Variants in TMEM68 observed in about 807,000 individuals in gnomAD.
TMEM68 encodes the protein transmembrane protein 68.
In TMEM68, 25 loss-of-function variants were observed where a neutral mutation model predicts 36.9. The ratio of observed to expected loss-of-function variants is 0.68; its 90% confidence interval spans 0.49 to 0.95. The LOEUF (loss-of-function observed/expected upper bound fraction) is 0.95. Ranked by LOEUF, TMEM68 falls within the 40% of genes least tolerant of loss-of-function variation. TMEM68 has a pLI of 0.00. For synonymous variants in TMEM68, 131 were observed against 124.4 expected (o/e 1.05, Z -0.35); for missense variants, 333 against 392.0 (o/e 0.85, Z 1.27).
At chr8:55,758,194 G>T (rs1810665371) in intron 3 of TMEM68, among the ~76,000 whole-genome samples, 1 of 152,180 alleles carries the variant, frequency 6.6e-6, no homozygotes, top group Admixed American at 6.5e-5. Context: ...CAAGATAACA[G>T]TAGGAGTCTG....
chr8:55,741,608 G>A (rs1810104850), intron 7 of TMEM68, among the ~76,000 whole-genome samples: 1 of 152,168 alleles, frequency 6.6e-6, no homozygotes, highest in African/African-American at 2.4e-5. Context: ...AGCCCACTGG[G>A]TAGGCAGTGA....
chr8:55,754,907 TATA>T (rs1563432545), intron 4 of TMEM68, among the ~76,000 whole-genome samples: 3 of 112,900 alleles, frequency 2.7e-5, no homozygotes, highest in South Asian at 2.3e-4. Flanking sequence ...ATACATATAT[TATA>T]TATTATATAT....
intron 6 of TMEM68, among the ~76,000 whole-genome samples, chr8:55,744,606 C>T (rs1430069196): frequency 6.6e-6 from 1 of 151,926 alleles, no homozygotes; most frequent in African/African-American, 2.4e-5. Context: ...CGCTCCCGGC[C>T]GCTACAAAAT....
Position 55,773,373 on chromosome 8 carries a change from G to A in TMEM68, c.-219C>T, listed in dbSNP as rs1338193979. On this transcript the variant is annotated 5_prime_UTR_variant, in exon 1 of 8. Transcript: ENST00000434581. The stretch of plus-strand genomic sequence containing the variant: ...CAACCCGTGTGAAAGAAGCCAAGCG[G>A]CGGCTGCAGCCCGGGCCGCGATGGG... 1 of 415,844 alleles carries A rather than the reference G, an allele frequency of 2.4e-6. No individual in the cohort carries two copies. The highest frequency in any genetic ancestry group is 4.3e-6 in the Non-Finnish European group (1 of 232,918). The allele number at this position is 415,844 out of a possible 1,614,324, so 25.8% of individuals were successfully genotyped here. A position where few individuals can be genotyped will look rare whatever the true frequency, so the allele number is the denominator to read the frequency against.
chr8:55,741,805 A>G (rs1810110394), intron 7 of TMEM68, among the ~76,000 whole-genome samples: 1 of 152,258 alleles, frequency 6.6e-6, no homozygotes, highest in Admixed American at 6.5e-5. Context: ...GTAAGGCTTT[A>G]AAATTAATTT....
chr8:55,768,473 G>C lies in TMEM68; in HGVS notation c.-114-4493C>G, dbSNP rs1289080226. Among the ~76,000 whole-genome samples, 6 of 152,216 alleles carry C rather than the reference G, an allele frequency of 3.9e-5. No individual in the cohort carries two copies. The East Asian group carries it at 9.7e-4, about 24-fold the overall frequency. On this transcript the variant is annotated intron_variant, in intron 1 of 7. Transcript: ENST00000434581. ...CTCACACCTGTAATCTCAGCACTTT[G>C]GGAGACTGAGGCAAGAGGATCGCTT...
rs2129978616 is a variant in TMEM68, at chr8:55,756,372, C to T, written c.365G>A (p.Gly122Glu). The change falls in exon 4 of 8, where the codon GGA becomes GAA. Residue 122 changes from glycine to glutamate, a missense_variant. Physicochemically the swap from Gly to Glu is moderately conservative, Grantham distance 98. Coordinates refer to ENST00000434581, the MANE Select transcript of TMEM68 (RefSeq NM_001286657.2). ...VHGMEKIPED[G>E]PALIIFYHGA... ...ATGATAAAAAATTATAAGTGCTGGT[C>T]CATCTTCTGGTATTTTTTCCATTCC... 6.3e-7 allele frequency: 1 copy of T among 1,590,450 alleles called. No individual in the cohort carries two copies. The highest frequency in any genetic ancestry group is 8.5e-7 in the Non-Finnish European group (1 of 1,172,730).
chr8:55,744,524 G>C (rs955562325), intron 6 of TMEM68, among the ~76,000 whole-genome samples: 2 of 151,526 alleles, frequency 1.3e-5, no homozygotes, highest in Non-Finnish European at 2.9e-5. Flanking sequence ...AGCCAGGATG[G>C]TCTCAATCTC....
intron 7 of TMEM68, among the ~76,000 whole-genome samples, chr8:55,742,600 C>T (rs1810136826): frequency 6.6e-6 from 1 of 151,942 alleles, no homozygotes; most frequent in African/African-American, 2.4e-5. Context: ...AGTGCAGTGG[C>T]ACAATCATAG....
chr8:55,763,010 C>T lies in TMEM68; in HGVS notation c.-51G>A. ...TCAGTTTCTTTCTTCATTGCCATAG[C>T]AGGTCGCTAATTTTGACACTAGAAG... On this transcript the variant is annotated 5_prime_UTR_variant, in exon 3 of 8. Coordinates refer to ENST00000434581, the MANE Select transcript of TMEM68 (RefSeq NM_001286657.2). 6.5e-7 allele frequency: 1 copy of T among 1,526,736 alleles called. No individual in the cohort carries two copies. The highest frequency in any genetic ancestry group is 8.8e-7 in the Non-Finnish European group (1 of 1,141,820). 94.6% of individuals were successfully genotyped at this position (1,526,736 alleles called of 1,614,324 possible).
chr8:55,760,771 A>G (rs925038266), intron 3 of TMEM68: 2 of 152,252 alleles, frequency 1.3e-5, no homozygotes, highest in African/African-American at 4.8e-5. Context: ...AATGGACTTG[A>G]GAATGTTTTG....
rs765174151 is a variant in TMEM68, at chr8:55,751,015, G to A, written c.636C>T (p.Ile212=). 36 of 1,613,670 alleles carry A rather than the reference G, an allele frequency of 2.2e-5. No homozygotes were observed. The highest frequency in any genetic ancestry group is 1.6e-4 in the Middle Eastern group (1 of 6,084). ...CAAAGCCTCTGCGATGACCCCATAC[G>A]ATGTTATAAGTTTCATCACTAATTA... is the stretch of plus-strand genomic sequence containing the variant. ...EALISDETYN[I]VWGHRRGFAQ... is the part of the protein sequence containing the mutation. The change falls in exon 5 of 8, where the codon ATC becomes ATT. Residue 212 remains isoleucine, a synonymous_variant. Coordinates refer to ENST00000434581, the MANE Select transcript of TMEM68 (RefSeq NM_001286657.2).
At chr8:55,762,401 T>C (rs927513123) in intron 3 of TMEM68, 1 of 516,022 alleles carries the variant, frequency 1.9e-6, no homozygotes, top group East Asian at 3.3e-5. Context: ...TTTCAACTTA[T>C]AGTCTACAGT....
intron 7 of TMEM68, among the ~76,000 whole-genome samples, chr8:55,740,796 G>A (rs1240805371): frequency 6.6e-6 from 1 of 150,460 alleles, no homozygotes; most frequent in Non-Finnish European, 1.5e-5. Context: ...TGGACTCAAG[G>A]GATCCTCCTG....
At chr8:55,747,401 A>G (rs913272193) in intron 5 of TMEM68, 2 of 152,240 alleles carry the variant, frequency 1.3e-5, no homozygotes, top group Non-Finnish European at 2.9e-5. Context: ...AAATGAAGAA[A>G]TTAAAATTTG....
In TMEM68 at chr8:55,764,517, A is replaced by T. The variant is rs551757549; in HGVS notation, c.-114-537T>A. On this transcript the variant is annotated intron_variant, in intron 1 of 7. Transcript: ENST00000434581. ...GCAAAAAATGAATAAATGAAAGCAA[A>T]GGATGAAAGGAGAGGAGGAGATGTA... Among the ~76,000 whole-genome samples, 24 of 152,352 alleles carry T rather than the reference A, an allele frequency of 1.6e-4. 1 individual carries two copies. Among genetic ancestry groups the T allele is most frequent in the African/African-American group, 5.3e-4 (22 of 41,582 alleles).
At chr8:55,757,043 T>C (rs1173458749) in intron 3 of TMEM68, among the ~76,000 whole-genome samples, 1 of 151,986 alleles carries the variant, frequency 6.6e-6, no homozygotes, top group Non-Finnish European at 1.5e-5. Flanking sequence ...TGAGTCAACA[T>C]AGTAAGAATA....
intron 1 of TMEM68, among the ~76,000 whole-genome samples, chr8:55,768,382 C>T (rs1420952728): frequency 6.6e-6 from 1 of 152,140 alleles, no homozygotes; most frequent in Non-Finnish European, 1.5e-5. Flanking sequence ...GAAGGGAACA[C>T]AGGTGAGTTG....
intron 5 of TMEM68, chr8:55,745,679 G>C (rs1016742795): frequency 1.3e-5 from 2 of 152,238 alleles, no homozygotes; most frequent in African/African-American, 4.8e-5. Flanking sequence ...AAAGTTGCAA[G>C]CAGGGATTCT....
Sources: allele counts gnomAD v4.1 joint callset (sites outside exome capture counted in the v4.1 genomes callset), GRCh38; gene constraint gnomAD v4.1.1; transcripts MANE v1.5; gene names NCBI Gene and HGNC (gene_info 2026-07-23, HGNC 2026-07-21).